The following PDLIM5 variants were observed in gnomAD, a reference collection of about 807,000 sequenced individuals.
PDLIM5 encodes PDZ and LIM domain 5, also known as PDZ and LIM domain protein 5.
A neutral mutation model predicts 64.2 loss-of-function variants in PDLIM5; 34 were observed. The ratio of observed to expected loss-of-function variants is 0.53; its 90% CI spans 0.40 to 0.71. The LOEUF is 0.71. PDLIM5 is among the 30% of genes least tolerant of loss of function. PDLIM5 has a pLI of 0.00. For missense variants in PDLIM5, 683 were observed against 733.6 expected (o/e 0.93, Z 0.80); for synonymous variants, 253 against 269.1 (o/e 0.94, Z 0.59).
rs1397201713 is a variant in PDLIM5 at position 94,611,145 on chromosome 4, T to A, written c.921-6859T>A. 5.2e-6 allele frequency: 8 copies of A among 1,535,188 alleles called. No individual in the cohort carries two copies. In the Admixed American group the frequency reaches 1.2e-4, roughly 23 times the overall value. On this transcript the variant is annotated intron_variant, in intron 7 of 12. Transcript: ENST00000317968. The stretch of plus-strand genomic sequence containing the variant: ...CCCTGTCTCCAAGCCTTTAGCTTTT[T>A]CCTATCTGCAGTCCTCAAGGAAATC...
chr4:94,617,927 G>T lies in PDLIM5; in HGVS notation c.921-77G>T, dbSNP rs570932124. ...ATCAATGGATTTTGATTGATTAATG[G>T]ATTTTGAAAAGAAAGGATTATTGCT... On this transcript the variant is annotated intron_variant, in intron 7 of 12. Transcript: ENST00000317968. 9.3e-6 allele frequency: 7 copies of T among 752,372 alleles called. No homozygotes were observed. The South Asian group carries it at 2.3e-4, about 25-fold the overall frequency. The allele number at this position is 752,372 out of a possible 1,614,324, so 46.6% of individuals were successfully genotyped here.
In PDLIM5 at chr4:94,462,185, T is replaced by C. The variant is rs536229339; in HGVS notation, c.96+6801T>C. On this transcript the variant is annotated intron_variant, in intron 2 of 12. Coordinates refer to ENST00000317968, the MANE Select transcript of PDLIM5 (RefSeq NM_006457.5). ...GCTTAATTTTCTTTAGGTAAGACAT[T>C]CATATGGTTCAAAATTCAAAAGATA... 2.2e-3 allele frequency among the ~76,000 whole-genome samples: 339 copies of C among 152,188 alleles called. 2 individuals carry two copies. Among genetic ancestry groups the C allele is most frequent in the African/African-American group, 7.8e-3 (324 of 41,518 alleles).
chr4:94,623,362 G>C (rs563954356), intron 8 of PDLIM5, among the ~76,000 whole-genome samples: 4 of 152,212 alleles, frequency 2.6e-5, no homozygotes, highest in African/African-American at 9.6e-5. Context: ...TGTACAAGCT[G>C]CTCCTTTTAT....
chr4:94,529,135 C>A (rs370918331), intron 3 of PDLIM5, among the ~76,000 whole-genome samples: 10 of 152,110 alleles, frequency 6.6e-5, no homozygotes, highest in Admixed American at 2.6e-4. Flanking sequence ...GAAAACATTG[C>A]GAGAAAGCTC....
At chr4:94,653,591 G>C (rs1454005269) in intron 9 of PDLIM5, among the ~76,000 whole-genome samples, 1 of 152,074 alleles carries the variant, frequency 6.6e-6, no homozygotes, top group African/African-American at 2.4e-5. Flanking sequence ...ACAAATGTGT[G>C]TTAAAAATCG....
At chr4:94,467,539 C>A (rs1255887393) in intron 2 of PDLIM5, among the ~76,000 whole-genome samples, 1 of 152,104 alleles carries the variant, frequency 6.6e-6, no homozygotes, top group African/African-American at 2.4e-5. Context: ...GTCTTGAACT[C>A]CTGACCTCGT....
chr4:94,488,717 T>C (rs1432673740), intron 2 of PDLIM5, among the ~76,000 whole-genome samples: 1 of 152,236 alleles, frequency 6.6e-6, no homozygotes, highest in Admixed American at 6.5e-5. Context: ...TTTCTACTTT[T>C]CGAGTCAGAT....
chr4:94,456,974 CTT>C, intron 2 of PDLIM5: 8 of 986,902 alleles, frequency 8.1e-6, no homozygotes, highest in Non-Finnish European at 9.6e-6. Context: ...TGTGCTGCCT[CTT>C]TAATAATTCA....
intron 11 of PDLIM5, among the ~76,000 whole-genome samples, chr4:94,659,770 C>T (rs867809995): frequency 3.3e-5 from 5 of 151,328 alleles, no homozygotes; most frequent in South Asian, 2.1e-4. Flanking sequence ...CCTCGTGATC[C>T]GTCCACCTCA....
In PDLIM5 at chr4:94,630,728, A is replaced by C. The variant is rs182376741; in HGVS notation, c.1109-9548A>C. Among the ~76,000 whole-genome samples, 71 of 152,226 alleles carry C rather than the reference A, an allele frequency of 4.7e-4. 1 individual carries two copies. In the East Asian group the frequency reaches 0.012, roughly 26 times the overall value. Reference sequence around the variant, plus strand: ...CCTTTCTTCTGACTTAATGAGAATGAAGTATTATAGGATTTTTAAAATAAG... The same window carrying C: ...CCTTTCTTCTGACTTAATGAGAATGCAGTATTATAGGATTTTTAAAATAAG... On this transcript the variant is annotated intron_variant, in intron 8 of 12. Transcript: ENST00000317968.
chr4:94,632,378 G>A (rs1740226216), intron 8 of PDLIM5, among the ~76,000 whole-genome samples: 1 of 152,184 alleles, frequency 6.6e-6, no homozygotes, highest in African/African-American at 2.4e-5. Flanking sequence ...TTGTTGTAAA[G>A]ATGAAACAAT....
intron 10 of PDLIM5, among the ~76,000 whole-genome samples, chr4:94,655,539 G>A (rs919110921): frequency 7.9e-5 from 12 of 152,134 alleles, no homozygotes; most frequent in African/African-American, 2.4e-4. Context: ...TGTCTGAAAC[G>A]TTGAAGACAC....
intron 5 of PDLIM5, chr4:94,577,196 G>GT (rs1245840981): frequency 2.2e-6 from 1 of 457,206 alleles, no homozygotes; most frequent in Non-Finnish European, 4.4e-6. Context: ...AGGCCTGATG[G>GT]TTTTTACCAA....
intron 8 of PDLIM5, among the ~76,000 whole-genome samples, chr4:94,635,363 T>C (rs1740474192): frequency 1.3e-5 from 2 of 152,186 alleles, no homozygotes; most frequent in African/African-American, 2.4e-5. Flanking sequence ...TTGCTCATTA[T>C]TCAGTTCGAA....
chr4:94,648,983 G>C (rs1741633033), intron 9 of PDLIM5, among the ~76,000 whole-genome samples: 2 of 151,388 alleles, frequency 1.3e-5, no homozygotes, highest in South Asian at 4.2e-4. Flanking sequence ...TTTTGGTTTT[G>C]GTTTTTTTTT....
intron 4 of PDLIM5, 164 bp downstream of exon 4, chr4:94,573,557 TCAG>T: frequency 2.7e-6 from 2 of 745,380 alleles, no homozygotes; most frequent in Non-Finnish European, 4.9e-6. Context: ...GAAATGGAGA[TCAG>T]CACATACCAT....
intron 8 of PDLIM5, among the ~76,000 whole-genome samples, chr4:94,624,457 C>T (rs535801719): frequency 5.3e-5 from 8 of 152,194 alleles, no homozygotes; most frequent in African/African-American, 1.9e-4. Flanking sequence ...ATATAGAAAT[C>T]ATCAAAAAGG....
At chr4:94,501,478 A>G (rs774236187) in intron 2 of PDLIM5, among the ~76,000 whole-genome samples, 3 of 152,202 alleles carry the variant, frequency 2.0e-5, no homozygotes, top group Non-Finnish European at 4.4e-5. Context: ...GTTTATGACA[A>G]CATAAGTTCA....
At chr4:94,619,597 G>A (rs771939602) in intron 8 of PDLIM5, among the ~76,000 whole-genome samples, 3 of 151,280 alleles carry the variant, frequency 2.0e-5, no homozygotes, top group Admixed American at 1.3e-4. Context: ...CCAAGATCAC[G>A]CCACTGCACT....
Sources: gnomAD v4.1 joint callset for allele counts (sites outside exome capture counted in the v4.1 genomes callset) on GRCh38, gnomAD v4.1.1 for gene constraint, MANE v1.5 for transcripts, NCBI Gene and HGNC (gene_info 2026-07-23, HGNC 2026-07-21) for gene names.